Variants in CPNE4 observed in about 807,000 individuals in gnomAD.
CPNE4 encodes copine-4.
A neutral mutation model predicts 67.9 loss-of-function variants in CPNE4; 25 were observed. The ratio of observed to expected loss-of-function variants is 0.37; its 90% CI spans 0.27 to 0.51. The LOEUF (loss-of-function observed/expected upper bound fraction) is 0.51. Ranked by LOEUF, CPNE4 falls within the 20% of genes least tolerant of loss-of-function variation. The pLI, the probability that CPNE4 is intolerant of heterozygous loss-of-function variation, is 0.93. For missense variants in CPNE4, 464 were observed against 690.8 expected, an observed-to-expected ratio of 0.67 and a Z score of 3.68; for synonymous variants, 242 against 244.9, an observed-to-expected ratio of 0.99 and a Z score of 0.11.
At chr3:131,821,981 T>A (rs1304563933) in intron 2 of CPNE4, among the ~76,000 whole-genome samples, 1 of 152,198 alleles carries the variant, frequency 6.6e-6, no homozygotes, top group Non-Finnish European at 1.5e-5. Context: ...AAATACCACT[T>A]CCAGGAAGTA....
At chr3:131,629,233 C>T (rs1301695913) in intron 7 of CPNE4, among the ~76,000 whole-genome samples, 5 of 152,108 alleles carry the variant, frequency 3.3e-5, no homozygotes, top group Non-Finnish European at 2.9e-5. Context: ...TCCCACAACA[C>T]GTAGGAATTC....
intron 1 of CPNE4, among the ~76,000 whole-genome samples, 179 bp from the exon 2 acceptor site, chr3:131,905,623 CA>C (rs1247458701): frequency 2.6e-5 from 4 of 152,170 alleles, no homozygotes; most frequent in African/African-American, 9.6e-5. Context: ...TCAAAGGAAA[CA>C]AACAAACAAA....
intron 7 of CPNE4, among the ~76,000 whole-genome samples, chr3:131,638,595 C>G (rs1374773783): frequency 6.6e-6 from 1 of 152,116 alleles, no homozygotes; most frequent in Non-Finnish European, 1.5e-5. Flanking sequence ...ACTGCACTGA[C>G]AGTGCTAGAT....
intron 15 of CPNE4, 128 bp downstream of exon 15, chr3:131,542,429 A>T (rs369914270): frequency 2.7e-6 from 2 of 733,240 alleles, no homozygotes; most frequent in Non-Finnish European, 4.9e-6. Context: ...CAGCAAGGGT[A>T]TGTAGAGCAT....
intron 1 of CPNE4, among the ~76,000 whole-genome samples, chr3:131,972,083 A>T (rs1290813601): frequency 2.0e-5 from 3 of 152,100 alleles, no homozygotes; most frequent in Non-Finnish European, 4.4e-5. Flanking sequence ...CAGGATTAGG[A>T]TTATAAAACT....
At chr3:131,995,035 T>C (rs1019809532) in intron 1 of CPNE4, among the ~76,000 whole-genome samples, 8 of 152,176 alleles carry the variant, frequency 5.3e-5, no homozygotes, top group Non-Finnish European at 8.8e-5. Flanking sequence ...TGTTTGTTTC[T>C]GTAGAGAGGG....
At chr3:131,952,607 C>CA (rs1553813085) in intron 1 of CPNE4, among the ~76,000 whole-genome samples, 3,691 of 119,324 alleles carry the variant, frequency 0.031, 84 homozygotes, top group Middle Eastern at 0.046. Context: ...CCGCCCCGTC[C>CA]GGAGGGAGGT....
chr3:131,640,949 TAA>T (rs1221490112), intron 7 of CPNE4, among the ~76,000 whole-genome samples: 1 of 152,078 alleles, frequency 6.6e-6, no homozygotes, highest in African/African-American at 2.4e-5. Context: ...GGTGCTGGGA[TAA>T]TTGGCAAGCC....
At chr3:131,971,307 A>G (rs2072494848) in intron 1 of CPNE4, among the ~76,000 whole-genome samples, 1 of 152,208 alleles carries the variant, frequency 6.6e-6, no homozygotes, top group East Asian at 1.9e-4. Flanking sequence ...CTAGAACATC[A>G]CTTCTACTGA....
At chr3:132,035,655 T>C (rs912963229), upstream of CPNE4, among the ~76,000 whole-genome samples, 2 of 152,240 alleles carry the variant, frequency 1.3e-5, no homozygotes. Context: ...AGAGAAAGTA[T>C]GGCCTTCCTA....
At chr3:131,562,171 C>T (rs563305517) in intron 11 of CPNE4, among the ~76,000 whole-genome samples, 2 of 151,790 alleles carry the variant, frequency 1.3e-5, no homozygotes, top group Non-Finnish European at 2.9e-5. Flanking sequence ...TTTGAGGGAA[C>T]AAAAAATGCT....
intron 4 of CPNE4, among the ~76,000 whole-genome samples, chr3:131,697,735 C>T (rs187481869): frequency 4.2e-4 from 64 of 152,234 alleles, no homozygotes; most frequent in African/African-American, 1.5e-3. Flanking sequence ...CCCTTACCAC[C>T]TTAATGCCTC....
At chr3:131,644,717 G>A (rs74471084) in intron 7 of CPNE4, among the ~76,000 whole-genome samples, 2,640 of 152,228 alleles carry the variant, frequency 0.017, 53 homozygotes, top group East Asian at 0.062. Flanking sequence ...AAGCAAGTCA[G>A]TGTCATCCTC....
chr3:131,581,804 A>G (rs1308101897), intron 8 of CPNE4, 139 bp from the exon 9 acceptor site: 1 of 651,438 alleles, frequency 1.5e-6, no homozygotes, highest in East Asian at 2.6e-5. Flanking sequence ...TCTTGCATCT[A>G]GAGGAGCAAT....
At chr3:131,900,416 C>T (rs1316483099) in intron 2 of CPNE4, among the ~76,000 whole-genome samples, 1 of 152,024 alleles carries the variant, frequency 6.6e-6, no homozygotes, top group African/African-American at 2.4e-5. Flanking sequence ...GTACAACCAC[C>T]ACTATGGCAT....
chr3:131,762,338 G>A (rs2107815796), intron 2 of CPNE4, among the ~76,000 whole-genome samples: 1 of 152,066 alleles, frequency 6.6e-6, no homozygotes, highest in East Asian at 1.9e-4. Flanking sequence ...TATTTGCCAA[G>A]TTGTATATTA....
intron 2 of CPNE4, among the ~76,000 whole-genome samples, chr3:131,798,614 A>C (rs1327286523): frequency 6.6e-6 from 1 of 150,886 alleles, no homozygotes; most frequent in Non-Finnish European, 1.5e-5. Context: ...TCCTGGAAGA[A>C]GTGATCTTTG....
chr3:131,653,270 GAGT>G (rs1398595285), intron 7 of CPNE4, among the ~76,000 whole-genome samples: 1 of 149,974 alleles, frequency 6.7e-6, no homozygotes, highest in Non-Finnish European at 1.5e-5. Flanking sequence ...TCAGCCTCCT[GAGT>G]AGCTGGGACT....
chr3:131,808,801 A>G (rs1450336136), intron 2 of CPNE4, among the ~76,000 whole-genome samples: 2 of 152,228 alleles, frequency 1.3e-5, no homozygotes, highest in Non-Finnish European at 2.9e-5. Context: ...TATAAAATGG[A>G]AAAGAATAAA....
Sources: gnomAD v4.1 joint callset for allele counts (sites outside exome capture counted in the v4.1 genomes callset) on GRCh38, gnomAD v4.1.1 for gene constraint, MANE v1.5 for transcripts, NCBI Gene and HGNC (gene_info 2026-07-23, HGNC 2026-07-21) for gene names.